Variants in KIF4A observed in about 807,000 individuals in gnomAD.
KIF4A encodes the protein kinesin family member 4A, also known as chromosome-associated kinesin KIF4A.
In KIF4A, 7 loss-of-function variants were observed where a neutral mutation model predicts 105.9. The observed-to-expected ratio is 0.07, with a 90% CI of 0.04 to 0.12. The LOEUF is 0.12. KIF4A is among the 10% of genes least tolerant of loss of function. The probability of loss-of-function intolerance (pLI) is 1.00; values close to 1 mark genes in which losing one functional copy is unlikely to be tolerated. For missense variants in KIF4A, 558 were observed against 929.2 expected (o/e 0.60, Z 5.19); for synonymous variants, 281 against 331.3 (o/e 0.85, Z 1.65).
intron 18 of KIF4A, among the ~76,000 whole-genome samples, chrX:70,377,457 A>G (rs1408089818): frequency 8.9e-6 from 1 of 111,840 alleles, no homozygotes; most frequent in East Asian, 2.8e-4. Flanking sequence ...GCATTTTCAT[A>G]TCTACATTCA....
intron 22 of KIF4A, among the ~76,000 whole-genome samples, chrX:70,397,654 A>G (rs962575396): frequency 1.8e-5 from 2 of 112,252 alleles, no homozygotes; most frequent in Non-Finnish European, 3.8e-5. Flanking sequence ...TAAGCAGTTT[A>G]TGAAATCTAG....
At chrX:70,356,939 C>G (rs1273827327) in intron 15 of KIF4A, among the ~76,000 whole-genome samples, 1 of 111,996 alleles carries the variant, frequency 8.9e-6, no homozygotes, top group Non-Finnish European at 1.9e-5. Flanking sequence ...ATTGCATTTC[C>G]TTTCTTGTAT....
chrX:70,415,229 G>A (rs1195567425), intron 28 of KIF4A: 4 of 192,030 alleles, frequency 2.1e-5, no homozygotes, highest in Non-Finnish European at 3.9e-5. Flanking sequence ...GAATGGAATT[G>A]AAGCTATATG....
At chrX:70,305,832 G>A (rs2085824659) in intron 7 of KIF4A, among the ~76,000 whole-genome samples, 1 of 111,940 alleles carries the variant, frequency 8.9e-6, no homozygotes, top group African/African-American at 3.2e-5. Flanking sequence ...AAGGGTTCCA[G>A]TATCTCCACA....
chrX:70,373,548 A>G (rs1044426817), intron 15 of KIF4A, among the ~76,000 whole-genome samples: 4 of 42,200 alleles, frequency 9.5e-5, no homozygotes, highest in African/African-American at 4.6e-4. Context: ...ATATATATAT[A>G]TATATATACG....
At chrX:70,385,517 C>T (rs5936888) in intron 18 of KIF4A, among the ~76,000 whole-genome samples, 14,165 of 111,777 alleles carry the variant, frequency 0.13, 772 homozygotes, top group East Asian at 0.24. Context: ...CTCTGGTAAT[C>T]TCTGTAGGAG....
chrX:70,386,859 T>G (rs1382475174), intron 19 of KIF4A, among the ~76,000 whole-genome samples, 158 bp downstream of exon 19: 1 of 112,291 alleles, frequency 8.9e-6, no homozygotes, highest in African/African-American at 3.2e-5. Context: ...TATGCCACTG[T>G]GAGCAGATAA....
chrX:70,341,723 G>A (rs2085972993), intron 10 of KIF4A, 76 bp from the exon 11 acceptor site: 33 of 1,053,207 alleles, frequency 3.1e-5, no homozygotes, highest in Non-Finnish European at 4.1e-5. Context: ...AGGCCTATGG[G>A]ATATATTTTT....
intron 28 of KIF4A, among the ~76,000 whole-genome samples, chrX:70,407,346 A>G (rs906595384): frequency 9.0e-6 from 1 of 111,382 alleles, no homozygotes; most frequent in African/African-American, 3.3e-5. Flanking sequence ...GCCTCAAGCA[A>G]TCTGCCTGCC....
intron 10 of KIF4A, among the ~76,000 whole-genome samples, chrX:70,340,113 G>A (rs745579767): frequency 2.7e-5 from 3 of 111,268 alleles, no homozygotes; most frequent in Non-Finnish European, 5.7e-5. Context: ...TCAAATTTCA[G>A]CTTCACATTA....
At chrX:70,329,782 G>C (rs2085923627) in intron 8 of KIF4A, among the ~76,000 whole-genome samples, 1 of 111,781 alleles carries the variant, frequency 8.9e-6, no homozygotes, top group Non-Finnish European at 1.9e-5. Context: ...TTTGGTTACT[G>C]TTTCTTTAAT....
At chrX:70,350,047 C>A (rs1358877397) in intron 13 of KIF4A, among the ~76,000 whole-genome samples, 1 of 110,963 alleles carries the variant, frequency 9.0e-6, no homozygotes, top group African/African-American at 3.5e-5. Context: ...AGACAATGGG[C>A]GGCCAGGCGG....
At chrX:70,314,487 G>A (rs1041048814) in intron 7 of KIF4A, among the ~76,000 whole-genome samples, 2 of 111,901 alleles carry the variant, frequency 1.8e-5, no homozygotes, top group African/African-American at 6.5e-5. Flanking sequence ...GAAAACAGGA[G>A]ATAGGTATAT....
At chrX:70,345,401 T>TTGTAC (rs2085988256) in intron 13 of KIF4A, among the ~76,000 whole-genome samples, 1 of 107,827 alleles carries the variant, frequency 9.3e-6, no homozygotes, top group Admixed American at 9.9e-5. Flanking sequence ...GAGATGGAGG[T>TTGTAC]TGCAGTGAGC....
Position 70,396,039 on chromosome X carries a change from A to G in KIF4A, c.2479A>G (p.Met827Val). 8.4e-7 allele frequency: 1 copy of G among 1,184,537 alleles called. No individual in the cohort carries two copies. The highest frequency in any genetic ancestry group is 1.1e-6 in the Non-Finnish European group (1 of 872,861). ...TKQIESLETE[M>V]EFRSAQIADL... ...GCAGATTGAAAGCCTAGAGACTGAA[A>G]TGGAATTCAGGTAACAGGGACTATC... is the stretch of plus-strand genomic sequence containing the variant. The change falls in exon 22 of 31, where the codon ATG (methionine) becomes GTG (valine). Residue 827 changes from methionine to valine, a missense_variant. This residue lies in a region of KIF4A where 469 missense variants were observed against 680.4 expected (regional missense o/e 0.69). Coordinates refer to ENST00000374403, the MANE Select transcript of KIF4A (RefSeq NM_012310.5).
intron 15 of KIF4A, among the ~76,000 whole-genome samples, chrX:70,366,958 G>A (rs778112247): frequency 8.9e-6 from 1 of 111,905 alleles, no homozygotes; most frequent in South Asian, 3.8e-4. Flanking sequence ...TATATATTTA[G>A]GATAGTTAGC....
intron 8 of KIF4A, among the ~76,000 whole-genome samples, chrX:70,329,933 C>T (rs1365372189): frequency 1.8e-5 from 2 of 111,563 alleles, no homozygotes; most frequent in South Asian, 3.8e-4. Flanking sequence ...CTGCTGAAAT[C>T]ACAATCCCTT....
chrX:70,353,045 A>G (rs1337487378), intron 14 of KIF4A, among the ~76,000 whole-genome samples: 1 of 112,290 alleles, frequency 8.9e-6, no homozygotes, highest in Non-Finnish European at 1.9e-5. Flanking sequence ...TTTTCTATGG[A>G]TGAGATATTA....
Position 70,296,984 on chromosome X carries a change from G to A in KIF4A, c.236-14G>A, listed in dbSNP as rs756353498. 11 of 1,202,642 alleles carry A rather than the reference G, an allele frequency of 9.1e-6. No homozygotes were observed. The highest frequency in any genetic ancestry group is 3.5e-5 in the African/African-American group (2 of 56,940). ...GTTTAAACACCACTATGCATGTGAC[G>A]TCTATTTTGTCAGGATATAATGCAA... is the stretch of plus-strand genomic sequence containing the variant. On this transcript the variant is annotated splice_polypyrimidine_tract_variant and intron_variant, in intron 3 of 30. Coordinates refer to ENST00000374403, the MANE Select transcript of KIF4A (RefSeq NM_012310.5).
Sources: gnomAD v4.1 joint callset for allele counts (sites outside exome capture counted in the v4.1 genomes callset) on GRCh38, gnomAD v4.1.1 for gene constraint, gnomAD v4.1.1 regional missense constraint, MANE v1.5 for transcripts, NCBI Gene and HGNC (gene_info 2026-07-23, HGNC 2026-07-21) for gene names.